Variants in FAM227A observed in about 807,000 individuals in gnomAD.
FAM227A encodes the protein protein FAM227A.
A neutral mutation model predicts 74.7 loss-of-function variants in FAM227A; 80 were observed. The ratio of observed to expected loss-of-function variants is 1.07; its 90% CI spans 0.89 to 1.29. FAM227A has a LOEUF of 1.29. FAM227A is among the 50% of genes most tolerant of loss of function. The pLI is 0.00. For synonymous variants in FAM227A, 237 were observed against 241.8 expected (o/e 0.98, Z 0.19); for missense variants, 654 against 683.4 (o/e 0.96, Z 0.48).
intron 11 of FAM227A, among the ~76,000 whole-genome samples, chr22:38,615,271 C>T (rs1282124419): frequency 6.6e-6 from 1 of 152,238 alleles, no homozygotes; most frequent in Non-Finnish European, 1.5e-5. Flanking sequence ...GATTCGCCTG[C>T]CTGGGCCTCC....
At position 38,645,601 on chromosome 22, in the gene FAM227A, CA is replaced by C; in HGVS notation, c.186del (p.Asp63ThrfsTer2). On this transcript the variant is annotated frameshift_variant, in exon 3 of 17. Transcript: ENST00000535113. LOFTEE classifies it high-confidence loss of function. ...GACGGCTCGGTACGCAGATTTATGT[CA>C]GCAATCTTTTGGTTCACCTGGTGCA... The part of the protein sequence containing the change: ...GSMHQVNQKI[A>X]DINLRTEPSA... 6.4e-7 allele frequency: 1 copy of C among 1,551,364 alleles called. No homozygotes were observed. The highest frequency in any genetic ancestry group is 8.7e-7 in the Non-Finnish European group (1 of 1,146,888).
At chr22:38,586,731 C>G (rs755828228) in intron 16 of FAM227A, among the ~76,000 whole-genome samples, 4 of 152,038 alleles carry the variant, frequency 2.6e-5, no homozygotes, top group African/African-American at 9.7e-5. Flanking sequence ...TGCAGTGGCG[C>G]GATCTCAGCT....
At chr22:38,647,808 T>C (rs2092265040) in intron 2 of FAM227A, among the ~76,000 whole-genome samples, 1 of 152,140 alleles carries the variant, frequency 6.6e-6, no homozygotes, top group Non-Finnish European at 1.5e-5. Flanking sequence ...TGGAGGATAC[T>C]TGAAAAAGGA....
Position 38,626,318 on chromosome 22 carries a change from G to C in FAM227A, c.727-15C>G, listed in dbSNP as rs749367922. 1.0e-5 allele frequency: 16 copies of C among 1,548,924 alleles called. No homozygotes were observed. ...GATGGCAGCCTCTGCGGAGCAAGCC[G>C]AGCTCAGGCAACGTTCTCAACATTT... On this transcript the variant is annotated splice_polypyrimidine_tract_variant and intron_variant, in intron 8 of 16. Transcript: ENST00000535113.
intron 6 of FAM227A, among the ~76,000 whole-genome samples, 186 bp downstream of exon 6, chr22:38,636,265 C>T (rs760645): frequency 0.62 from 94,973 of 151,978 alleles, 31,448 homozygotes; most frequent in African/African-American, 0.87. Context: ...GTCTGAAGAC[C>T]GTTGCTCTGG....
chr22:38,607,821 G>A (rs894392777), intron 11 of FAM227A, among the ~76,000 whole-genome samples: 4 of 152,108 alleles, frequency 2.6e-5, no homozygotes, highest in African/African-American at 4.8e-5. Context: ...CAAATTACAC[G>A]AGTGCTCAAG....
intron 12 of FAM227A, 51 bp from the exon 13 acceptor site, chr22:38,605,399 C>T (rs1365957040): frequency 4.6e-6 from 5 of 1,078,722 alleles, no homozygotes; most frequent in African/African-American, 1.6e-5. Context: ...AAGCAATTCT[C>T]GTGCCTCAGC....
intron 10 of FAM227A, among the ~76,000 whole-genome samples, chr22:38,622,180 G>C (rs2091703765): frequency 6.6e-6 from 1 of 152,194 alleles, no homozygotes; most frequent in Non-Finnish European, 1.5e-5. Context: ...GGGTTTAAAT[G>C]AGCCTGCAGA....
At chr22:38,591,722 T>C (rs74897844) in intron 15 of FAM227A, among the ~76,000 whole-genome samples, 182 bp from the exon 16 acceptor site, 1,531 of 152,292 alleles carry the variant, frequency 0.01, 31 homozygotes, top group African/African-American at 0.036. Flanking sequence ...TTTCATATAC[T>C]GAGCACGCCC....
intron 2 of FAM227A, among the ~76,000 whole-genome samples, chr22:38,646,248 CTTTTTTTTTTTTTTT>C (rs1165890437): frequency 3.6e-5 from 3 of 82,394 alleles, no homozygotes; most frequent in African/African-American, 5.3e-5. Flanking sequence ...TCCAGTATTT[CTTTTTTTTTTTTTTT>C]TTTTTTTTTT....
intron 11 of FAM227A, among the ~76,000 whole-genome samples, chr22:38,613,316 TAATA>T (rs1220934563): frequency 3.5e-5 from 3 of 86,290 alleles, no homozygotes; most frequent in East Asian, 2.8e-4. Context: ...ATATAACATA[TAATA>T]TATATCATAT....
intron 6 of FAM227A, 42 bp from the exon 7 acceptor site, chr22:38,628,977 T>G: frequency 8.2e-7 from 1 of 1,217,884 alleles, no homozygotes; most frequent in Non-Finnish European, 1.2e-6. Flanking sequence ...GTTGTTATCT[T>G]TTTAAAAATC....
chr22:38,629,997 A>T (rs1414620396), intron 6 of FAM227A, among the ~76,000 whole-genome samples: 2 of 134,110 alleles, frequency 1.5e-5, no homozygotes, highest in Admixed American at 7.4e-5. Context: ...ACCATCACTC[A>T]CACACAGGTG....
chr22:38,595,976 G>T (rs992095085), intron 15 of FAM227A, among the ~76,000 whole-genome samples: 4 of 151,018 alleles, frequency 2.6e-5, no homozygotes, highest in Admixed American at 1.3e-4. Flanking sequence ...AATAAGGGGG[G>T]GGGGGCAGGA....
chr22:38,623,513 T>C (rs2091736237), intron 9 of FAM227A, among the ~76,000 whole-genome samples: 1 of 151,966 alleles, frequency 6.6e-6, no homozygotes, highest in Non-Finnish European at 1.5e-5. Context: ...GGGCTTCCAG[T>C]GTTAGCCCTG....
Position 38,609,807 on chromosome 22 carries a change from T to C in FAM227A, c.1039-2331A>G, listed in dbSNP as rs368139653. On this transcript the variant is annotated intron_variant, in intron 11 of 16. Transcript: ENST00000535113. ...TTTGTTTGAGGTGGAGTTTCACTCT[T>C]GTTGCCCAGGCTGGAGTGCAAGGGC... is the stretch of plus-strand genomic sequence containing the variant. Among the ~76,000 whole-genome samples, 37 of 152,106 alleles carry C rather than the reference T, an allele frequency of 2.4e-4. No homozygotes were observed. In the South Asian group the frequency reaches 7.7e-3, roughly 32 times the overall value.
intron 2 of FAM227A, 65 bp from the exon 3 acceptor site, chr22:38,645,710 T>G: frequency 9.6e-7 from 1 of 1,045,902 alleles, no homozygotes; most frequent in Non-Finnish European, 1.4e-6. Flanking sequence ...ATGGGGCTTG[T>G]CTGGTGAGAA....
At chr22:38,639,376 T>C (rs530972981) in intron 4 of FAM227A, among the ~76,000 whole-genome samples, 30 of 144,786 alleles carry the variant, frequency 2.1e-4, no homozygotes, top group Non-Finnish European at 3.7e-4. Flanking sequence ...GCCACTGCAC[T>C]CCAGCCTGGG....
At chr22:38,599,334 T>C (rs1387482005) in intron 14 of FAM227A, among the ~76,000 whole-genome samples, 1 of 152,138 alleles carries the variant, frequency 6.6e-6, no homozygotes, top group Non-Finnish European at 1.5e-5. Flanking sequence ...GCCAGGAATA[T>C]GCTGATGGGT....
Sources: gnomAD v4.1 joint callset for allele counts (sites outside exome capture counted in the v4.1 genomes callset) on GRCh38, gnomAD v4.1.1 for gene constraint, MANE v1.5 for transcripts, NCBI Gene and HGNC (gene_info 2026-07-23, HGNC 2026-07-21) for gene names.